The following PLCH2 variants were observed in gnomAD, a reference collection of about 807,000 sequenced individuals.
The protein encoded by PLCH2 is 1-phosphatidylinositol 4,5-bisphosphate phosphodiesterase eta-2.
Under a neutral mutation model 134.7 loss-of-function variants are expected in PLCH2, and 98 were observed. The observed-to-expected ratio is 0.73, with a 90% CI of 0.62 to 0.86. The LOEUF (loss-of-function observed/expected upper bound fraction) is 0.86. Ranked by LOEUF, PLCH2 falls within the 40% of genes least tolerant of loss-of-function variation. The pLI, the probability that PLCH2 is intolerant of heterozygous loss-of-function variation, is 0.00. For missense variants in PLCH2, 1,994 were observed against 1,986.6 expected, an observed-to-expected ratio of 1.00 and a Z score of -0.07; for synonymous variants, 974 against 827.5, an observed-to-expected ratio of 1.18 and a Z score of -3.04.
the PLCH2 span, among the ~76,000 whole-genome samples, chr1:2,420,678 A>G: frequency 5.3e-5 from 8 of 152,120 alleles, no homozygotes; most frequent in Non-Finnish European, 1.0e-4. Context: ...CTGACCTCTG[A>G]CCCAGAGACC....
upstream of PLCH2, among the ~76,000 whole-genome samples, chr1:2,465,722 A>T (rs1161976181): frequency 6.6e-6 from 1 of 152,224 alleles, no homozygotes; most frequent in African/African-American, 2.4e-5. Context: ...CACCGCCTTT[A>T]ATCGCAGGCC....
upstream of PLCH2, among the ~76,000 whole-genome samples, chr1:2,463,786 C>T (rs1341770929): frequency 1.3e-5 from 2 of 152,262 alleles, no homozygotes; most frequent in Admixed American, 1.3e-4. Flanking sequence ...CTCTGGGAAC[C>T]CTCCTCCCCA....
chr1:2,444,352 G>A lies in PLCH2; in HGVS notation c.115+13723G>A, dbSNP rs193255738. ...GCCGCAGGGCACCCTGTGTGGGTCC[G>A]GGAGGTGCTGCGTGGACTTGCCGCA... On this transcript the variant is annotated intron_variant, in intron 2 of 3. Transcript: ENST00000609981. The surrounding 1 kb of genome is among the most constrained non-coding windows in gnomAD (Gnocchi z 4.6). 2.7e-4 allele frequency among the ~76,000 whole-genome samples: 41 copies of A among 152,154 alleles called. No homozygotes were observed. The highest frequency in any genetic ancestry group is 3.4e-3 in the Middle Eastern group (1 of 294).
the PLCH2 span, among the ~76,000 whole-genome samples, chr1:2,420,183 C>T: frequency 6.6e-5 from 10 of 152,280 alleles, no homozygotes; most frequent in African/African-American, 2.4e-4. Context: ...CCTCACATCC[C>T]TCTCAGCTGA....
At position 2,487,671 on chromosome 1, in the gene PLCH2, C is replaced by G. The variant is rs1642359063; in HGVS notation, c.1188C>G (p.Phe396Leu). 6.2e-7 allele frequency: 1 copy of G among 1,613,514 alleles called. No homozygotes were observed. The highest frequency in any genetic ancestry group is 8.5e-7 in the Non-Finnish European group (1 of 1,179,812). ...HGYTLTSKIL[F>L]KDVIETINKY... is the part of the protein sequence containing the mutation. ...ACACTCTGACTTCCAAGATCCTCTT[C>G]AAAGACGTCATTGAAACCATCAACA... The change falls in exon 8 of 22, where the codon TTC (phenylalanine) becomes TTG (leucine). Residue 396 changes from phenylalanine (F) to leucine (L), a missense_variant. This residue lies in a region of PLCH2 where 1,094 missense variants were observed against 1,234.3 expected (regional missense o/e 0.89). Coordinates refer to ENST00000378486, the MANE Select transcript of PLCH2 (RefSeq NM_014638.4).
intron 2 of PLCH2, among the ~76,000 whole-genome samples, chr1:2,440,813 C>T (rs1000331867): frequency 6.6e-6 from 1 of 152,216 alleles, no homozygotes; most frequent in Non-Finnish European, 1.5e-5. Context: ...TGCAGGAGGC[C>T]AGGTTTCTGT....
chr1:2,502,751 T>G (rs1469761412), intron 21 of PLCH2: 3 of 716,450 alleles, frequency 4.2e-6, no homozygotes, highest in Non-Finnish European at 7.8e-6. Context: ...CTCCATGTCC[T>G]CGGACTCCAG....
At chr1:2,442,975 G>A (rs1260117107) in intron 2 of PLCH2, among the ~76,000 whole-genome samples, 1 of 152,226 alleles carries the variant, frequency 6.6e-6, no homozygotes, top group Non-Finnish European at 1.5e-5. Context: ...AAGCCTGGTG[G>A]GCAGGGAGGG....
Position 2,487,217 on chromosome 1 carries a change from C to A in PLCH2, c.955C>A (p.Pro319Thr). 6.3e-7 allele frequency: 1 copy of A among 1,597,382 alleles called. No individual in the cohort carries two copies. Among genetic ancestry groups the A allele is most frequent in the Non-Finnish European group, 8.5e-7 (1 of 1,172,252 alleles). Residue 319 changes from proline (P) to threonine (T), a missense_variant, in exon 7 of 22, where the codon CCT becomes ACT. Pro to Thr is a conservative substitution (Grantham distance 38, BLOSUM62 -1). Coordinates refer to ENST00000378486, the MANE Select transcript of PLCH2 (RefSeq NM_014638.4). ...GAGCCCTGCTGGTGACATCTTCAACCCTGAGCACCACCATGTGCACCAGGA... is the reference window on the plus strand; with the variant it reads ...GAGCCCTGCTGGTGACATCTTCAACACTGAGCACCACCATGTGCACCAGGA... ...TRSPAGDIFN[P>T]EHHHVHQDMT...
At chr1:2,424,042 C>T (rs182830239), upstream of PLCH2, among the ~76,000 whole-genome samples, 1 of 152,198 alleles carries the variant, frequency 6.6e-6, no homozygotes, top group African/African-American at 2.4e-5. Context: ...GCCTCTGTGC[C>T]CGGCCTGTTT....
upstream of PLCH2, among the ~76,000 whole-genome samples, chr1:2,421,165 G>A (rs909927145): frequency 1.3e-5 from 2 of 152,150 alleles, no homozygotes; most frequent in East Asian, 3.9e-4. Flanking sequence ...GGCTGGTCTC[G>A]AACTCCTGAC....
At chr1:2,472,932 G>A (rs1266409613), upstream of PLCH2, among the ~76,000 whole-genome samples, 1 of 150,138 alleles carries the variant, frequency 6.7e-6, no homozygotes, top group Non-Finnish European at 1.5e-5. Context: ...GAGGCCTGTG[G>A]GTGTGATTTG....
intron 2 of PLCH2, among the ~76,000 whole-genome samples, chr1:2,461,590 G>A (rs1398083810): frequency 1.3e-5 from 2 of 152,118 alleles, no homozygotes; most frequent in Admixed American, 1.3e-4. Flanking sequence ...CTGGGGCCTC[G>A]GCTCCCCTCC....
At chr1:2,432,021 G>A (rs1344544133) in intron 2 of PLCH2, among the ~76,000 whole-genome samples, 1 of 152,184 alleles carries the variant, frequency 6.6e-6, no homozygotes, top group Admixed American at 6.5e-5. Context: ...GGACAGGCTC[G>A]GCTCTGCCTG....
chr1:2,469,287 G>A (rs1260366309), intron 1 of PLCH2, among the ~76,000 whole-genome samples: 2 of 152,246 alleles, frequency 1.3e-5, no homozygotes, highest in Non-Finnish European at 2.9e-5. Flanking sequence ...CACACTTGGG[G>A]TCTGCAGCTG....
At chr1:2,497,766 G>A (rs1246575965) in intron 16 of PLCH2, 157 bp downstream of exon 16, 1 of 528,916 alleles carries the variant, frequency 1.9e-6, no homozygotes, top group Non-Finnish European at 3.4e-6. Context: ...AAGCTCCCAG[G>A]ATGCTGGGGA....
In PLCH2 at chr1:2,480,353, C is replaced by T. The variant is rs1413554148; in HGVS notation, c.645+41C>T. 7 of 1,596,654 alleles carry T rather than the reference C, an allele frequency of 4.4e-6. No individual in the cohort carries two copies. The African/African-American group carries it at 9.4e-5, about 21-fold the overall frequency. On this transcript the variant is annotated intron_variant, in intron 4 of 21. Transcript: ENST00000378486. ...CCCTACCTGGGCTCCAGAGCCAGGG[C>T]TGCACGGGGGCTGTGCTTGTGTGGC...
At chr1:2,464,613 C>T (rs1351666913), upstream of PLCH2, among the ~76,000 whole-genome samples, 1 of 152,200 alleles carries the variant, frequency 6.6e-6, no homozygotes, top group Non-Finnish European at 1.5e-5. Context: ...CCACCTCCTG[C>T]TCCCCCAAGC....
At chr1:2,430,419 C>T (rs2100482031) in exon 2 of PLCH2, 1 of 152,638 alleles carries the variant, frequency 6.6e-6, no homozygotes, top group Admixed American at 6.5e-5. Flanking sequence ...TCAGAGCAGC[C>T]TCCTCCTGCC....
Sources: gnomAD v4.1 joint callset for allele counts (sites outside exome capture counted in the v4.1 genomes callset) on GRCh38, gnomAD v4.1.1 for gene constraint, gnomAD v4.1.1 regional missense constraint, Gnocchi (gnomAD v3.1) non-coding constraint, MANE v1.5 for transcripts, NCBI Gene and HGNC (gene_info 2026-07-23, HGNC 2026-07-21) for gene names.